FAT3: variants seen among roughly 807,000 people sequenced by gnomAD.
FAT3 encodes the protein protocadherin Fat 3.
In FAT3, 95 loss-of-function variants were observed where a neutral mutation model predicts 310.2. That is an observed-to-expected ratio of 0.31 (90% CI 0.26 to 0.36). The LOEUF is 0.36. FAT3 is among the 10% of genes least tolerant of loss of function. The pLI is 1.00. For missense variants in FAT3, 5,408 were observed against 5,715.6 expected, an observed-to-expected ratio of 0.95 and a Z score of 1.74; for synonymous variants, 2,314 against 2,192.9, an observed-to-expected ratio of 1.06 and a Z score of -1.54.
chr11:92,229,511 T>G lies in FAT3; in HGVS notation c.-18+4337T>G, dbSNP rs1234581869. Among the ~76,000 whole-genome samples, 4 of 75,320 alleles carry G rather than the reference T, an allele frequency of 5.3e-5. 1 individual carries two copies. The highest frequency in any genetic ancestry group is 1.2e-4 in the African/African-American group (3 of 24,102). The allele number at this position is 75,320 out of a possible 152,430, so 49.4% of individuals were successfully genotyped here. On this transcript the variant is annotated intron_variant, in intron 1 of 27. Coordinates refer to ENST00000525166, the MANE Select transcript of FAT3 (RefSeq NM_001367949.2). ...TTTCGTGTTTTTTTTTTTTTTGTTT[T>G]TTGTTTTTTTTTACATTGCCTCCCT...
At chr11:92,585,286 T>C (rs1285402022) in intron 3 of FAT3, among the ~76,000 whole-genome samples, 2 of 152,144 alleles carry the variant, frequency 1.3e-5, no homozygotes, top group South Asian at 2.1e-4. Flanking sequence ...TTTCTGTAGT[T>C]TGTATTATCA....
chr11:92,748,733 A>C (rs915206746), intron 4 of FAT3: 5 of 152,208 alleles, frequency 3.3e-5, no homozygotes, highest in African/African-American at 1.2e-4. Context: ...ATACCAAATC[A>C]TAGGTCAAAT....
intron 1 of FAT3, among the ~76,000 whole-genome samples, chr11:92,255,460 C>T (rs1865282542): frequency 6.6e-6 from 1 of 151,794 alleles, no homozygotes; most frequent in Admixed American, 6.6e-5. Flanking sequence ...AGAGTATGGA[C>T]TCACTACATA....
chr11:92,404,835 A>G (rs1950102374), intron 2 of FAT3, among the ~76,000 whole-genome samples: 1 of 152,000 alleles, frequency 6.6e-6, no homozygotes, highest in Admixed American at 6.5e-5. Flanking sequence ...AAGAAGGGCC[A>G]TTCACTCTCT....
chr11:92,312,557 A>G (rs1393415987), intron 1 of FAT3, among the ~76,000 whole-genome samples: 1 of 152,224 alleles, frequency 6.6e-6, no homozygotes, highest in East Asian at 1.9e-4. Context: ...ACTAGTAAAC[A>G]GCTGTCCTAG....
At chr11:92,336,214 C>T (rs528497732) in intron 1 of FAT3, 15 of 568,616 alleles carry the variant, frequency 2.6e-5, no homozygotes, top group Admixed American at 9.6e-5. Context: ...ACAATGGAGA[C>T]GCCAAAGAAG....
intron 3 of FAT3, among the ~76,000 whole-genome samples, chr11:92,627,185 C>T (rs990026393): frequency 3.9e-5 from 6 of 151,948 alleles, no homozygotes; most frequent in Admixed American, 6.6e-5. Flanking sequence ...AATGAATGTT[C>T]GTCGCTGATT....
chr11:92,300,082 T>C (rs1946955886), intron 1 of FAT3, among the ~76,000 whole-genome samples: 1 of 152,164 alleles, frequency 6.6e-6, no homozygotes, highest in Non-Finnish European at 1.5e-5. Context: ...TCAAAGAGTG[T>C]GCATCCTAAC....
intron 2 of FAT3, among the ~76,000 whole-genome samples, chr11:92,413,213 A>C (rs1245167213): frequency 3.9e-5 from 6 of 152,152 alleles, no homozygotes; most frequent in Non-Finnish European, 8.8e-5. Context: ...TCAACAAAGG[A>C]ACCCTTCTGT....
intron 19 of FAT3, among the ~76,000 whole-genome samples, chr11:92,849,771 C>T (rs1455289425): frequency 6.6e-6 from 1 of 152,166 alleles, no homozygotes; most frequent in Non-Finnish European, 1.5e-5. Flanking sequence ...CTTATTCTCT[C>T]AGCAGTTAAT....
chr11:92,601,354 G>A (rs1591507043), intron 3 of FAT3, among the ~76,000 whole-genome samples: 1 of 152,162 alleles, frequency 6.6e-6, no homozygotes, highest in East Asian at 1.9e-4. Context: ...GAGGTCAGGA[G>A]TTTGAGACCA....
intron 3 of FAT3, among the ~76,000 whole-genome samples, chr11:92,587,407 T>C (rs1939210095): frequency 6.6e-6 from 1 of 152,012 alleles, no homozygotes; most frequent in South Asian, 2.1e-4. Flanking sequence ...CTGCTTTTAC[T>C]TTTTTCCCCT....
intron 4 of FAT3, among the ~76,000 whole-genome samples, chr11:92,741,229 C>G (rs1478952076): frequency 6.6e-6 from 1 of 152,108 alleles, no homozygotes; most frequent in Non-Finnish European, 1.5e-5. Flanking sequence ...TTCGTGGAGA[C>G]AAAGTCTCAC....
intron 2 of FAT3, among the ~76,000 whole-genome samples, chr11:92,462,977 G>A (rs1436143779): frequency 1.3e-5 from 2 of 152,108 alleles, no homozygotes; most frequent in East Asian, 3.9e-4. Flanking sequence ...ACACATTAGT[G>A]TCTGCTGCAT....
chr11:92,796,099 G>T (rs1947166050), intron 9 of FAT3, among the ~76,000 whole-genome samples: 1 of 151,870 alleles, frequency 6.6e-6, no homozygotes, highest in Non-Finnish European at 1.5e-5. Context: ...ATCAGTCAGG[G>T]TTGCATGTTG....
intron 1 of FAT3, among the ~76,000 whole-genome samples, chr11:92,229,795 CT>C (rs375129999): frequency 0.052 from 5,611 of 107,872 alleles, 148 homozygotes; most frequent in Admixed American, 0.12. Context: ...GATTTTTTTT[CT>C]TTTTTTTTTT....
At chr11:92,596,689 A>G (rs553886745) in intron 3 of FAT3, among the ~76,000 whole-genome samples, 1 of 152,342 alleles carries the variant, frequency 6.6e-6, no homozygotes, top group Non-Finnish European at 1.5e-5. Context: ...TTATTAAAAA[A>G]GTTTTGACTA....
chr11:92,582,825 G>T (rs2135536728), intron 3 of FAT3, among the ~76,000 whole-genome samples: 1 of 152,112 alleles, frequency 6.6e-6, no homozygotes, highest in Non-Finnish European at 1.5e-5. Flanking sequence ...CCAATAGTTG[G>T]AAAATGCAAT....
chr11:92,565,976 C>T (rs1316118779), intron 3 of FAT3, among the ~76,000 whole-genome samples: 1 of 152,154 alleles, frequency 6.6e-6, no homozygotes, highest in Non-Finnish European at 1.5e-5. Flanking sequence ...AAAACTGGCA[C>T]AAGACAGGGA....
Sources: gnomAD v4.1 joint callset for allele counts (sites outside exome capture counted in the v4.1 genomes callset) on GRCh38, gnomAD v4.1.1 for gene constraint, MANE v1.5 for transcripts, NCBI Gene and HGNC (gene_info 2026-07-23, HGNC 2026-07-21) for gene names.